C7orf33: variants seen among roughly 807,000 people sequenced by gnomAD.
C7orf33 encodes uncharacterized protein C7orf33.
C7orf33 carries 15 observed loss-of-function variants against 13.4 expected under a neutral mutation model. The observed-to-expected ratio is 1.12, with a 90% CI of 0.75 to 1.72. C7orf33 has a LOEUF of 1.72. Among genes scored for constraint, C7orf33 ranks in the 40% most tolerant of loss-of-function variants. The pLI is 0.00. For missense variants in C7orf33, 187 were observed against 220.3 expected, an observed-to-expected ratio of 0.85 and a Z score of 0.96; for synonymous variants, 73 against 83.2, an observed-to-expected ratio of 0.88 and a Z score of 0.67.
At chr7:148,595,137 A>G (rs1300725206) in intron 1 of C7orf33, among the ~76,000 whole-genome samples, 2 of 151,024 alleles carry the variant, frequency 1.3e-5, no homozygotes, top group Admixed American at 1.3e-4. Flanking sequence ...TGGCACATTC[A>G]CGGCTCACTG....
rs1476031977 is a variant in C7orf33 at position 148,598,743 on chromosome 7, TATATATATATATATATATATAGAG to T, written c.204+7616_204+7639del. On this transcript the variant is annotated intron_variant, in intron 1 of 2. Coordinates refer to ENST00000307003, the MANE Select transcript of C7orf33 (RefSeq NM_145304.4). ...ATTCCTGGATATATATATATATATA[TATATATATATATATATATATAGAG>T]AGAGAGAGAGAGAGAGAGAGAGAGA... Among the ~76,000 whole-genome samples the T allele has an allele frequency of 1.3e-4, 9 of 69,282 alleles. No homozygotes were observed. The East Asian group carries it at 2.0e-3, about 15-fold the overall frequency. 45.5% of individuals were successfully genotyped at this position (69,282 alleles called of 152,430 possible).
chr7:148,590,846 G>T lies in C7orf33; in HGVS notation c.-80G>T. 2 of 1,324,606 alleles carry T rather than the reference G, an allele frequency of 1.5e-6. No individual in the cohort carries two copies. Among genetic ancestry groups the T allele is most frequent in the Middle Eastern group, 4.4e-4 (2 of 4,516 alleles). The allele number at this position is 1,324,606 out of a possible 1,614,324, so 82.1% of individuals were successfully genotyped here. ...ATCCTCCTACTGACCCTGGGGATCC[G>T]TGCGACTTGATCTTAGATATTGGTG... On this transcript the variant is annotated 5_prime_UTR_variant, in exon 1 of 3. Coordinates refer to ENST00000307003, the MANE Select transcript of C7orf33 (RefSeq NM_145304.4).
At chr7:148,598,392 T>G (rs1314469119) in intron 1 of C7orf33, among the ~76,000 whole-genome samples, 1 of 152,068 alleles carries the variant, frequency 6.6e-6, no homozygotes, top group Non-Finnish European at 1.5e-5. Context: ...AACATCCTGG[T>G]ACGTGACAAC....
chr7:148,615,693 C>G lies in C7orf33; in HGVS notation c.*292C>G, dbSNP rs1235800677. 6.2e-6 allele frequency: 2 copies of G among 320,032 alleles called. No homozygotes were observed. The highest frequency in any genetic ancestry group is 4.2e-5 in the African/African-American group (2 of 47,238). 19.8% of individuals were successfully genotyped at this position (320,032 alleles called of 1,614,324 possible). On this transcript the variant is annotated 3_prime_UTR_variant, in exon 3 of 3. Transcript: ENST00000307003. ...CAGGTTCTAAAGGGAGACGAAGATC[C>G]CCAGAGGACCTGGATAGAGATGTTT...
intron 1 of C7orf33, among the ~76,000 whole-genome samples, chr7:148,607,802 T>C (rs1036005197): frequency 1.3e-5 from 2 of 152,238 alleles, no homozygotes; most frequent in Non-Finnish European, 2.9e-5. Flanking sequence ...TCTTTAATCG[T>C]ACCCAGGCGA....
intron 1 of C7orf33, among the ~76,000 whole-genome samples, chr7:148,610,123 A>C (rs934666355): frequency 6.6e-6 from 1 of 152,184 alleles, no homozygotes; most frequent in Non-Finnish European, 1.5e-5. Context: ...GGTATCTGTA[A>C]ACAACAAGAA....
At chr7:148,603,659 C>T (rs1563122677) in intron 1 of C7orf33, among the ~76,000 whole-genome samples, 1 of 152,088 alleles carries the variant, frequency 6.6e-6, no homozygotes, top group Non-Finnish European at 1.5e-5. Context: ...TTATGGATCC[C>T]ACAGAAACAA....
chr7:148,595,673 TATA>T (rs920392018), intron 1 of C7orf33, among the ~76,000 whole-genome samples: 1 of 111,700 alleles, frequency 9.0e-6, no homozygotes, highest in Admixed American at 9.1e-5. Flanking sequence ...ATTATATAGA[TATA>T]ATATAGATCT....
At chr7:148,598,753 TATATATATATAGAGAGAGAGAGAG>T (rs1409735597) in intron 1 of C7orf33, among the ~76,000 whole-genome samples, 161 of 62,506 alleles carry the variant, frequency 2.6e-3, no homozygotes, top group African/African-American at 9.8e-3. Flanking sequence ...TATATATATA[TATATATATATAGAGAGAGAGAGAG>T]AGAGAGAGAG....
intron 1 of C7orf33, among the ~76,000 whole-genome samples, chr7:148,606,654 C>T (rs1050021488): frequency 2.0e-5 from 3 of 152,198 alleles, no homozygotes; most frequent in African/African-American, 4.8e-5. Flanking sequence ...TCTCAGCTCA[C>T]TGCATCACTG....
chr7:148,611,343 C>G (rs982076359), intron 1 of C7orf33, among the ~76,000 whole-genome samples: 3 of 152,268 alleles, frequency 2.0e-5, no homozygotes, highest in Non-Finnish European at 1.5e-5. Context: ...CATATAAACC[C>G]AAGACCTTAG....
chr7:148,609,818 AG>A (rs1277589605), intron 1 of C7orf33, among the ~76,000 whole-genome samples: 1 of 152,216 alleles, frequency 6.6e-6, no homozygotes, highest in Non-Finnish European at 1.5e-5. Flanking sequence ...GGAAAAAGTC[AG>A]GCCTCTGTTA....
chr7:148,594,618 TATC>T (rs1458885791), intron 1 of C7orf33, among the ~76,000 whole-genome samples: 1 of 152,174 alleles, frequency 6.6e-6, no homozygotes, highest in East Asian at 1.9e-4. Flanking sequence ...GCAGAACAGT[TATC>T]ATTTCATTTG....
rs886068965 is a variant in C7orf33, at chr7:148,603,309, G to A, written c.205-10733G>A. On this transcript the variant is annotated intron_variant, in intron 1 of 2. Coordinates refer to ENST00000307003, the MANE Select transcript of C7orf33 (RefSeq NM_145304.4). ...AAAGAATCAAAAGGAGGCCAGACTCGGTGGCTCATGCCTGTAATCCCAGCA... is the reference window on the plus strand; with the variant it reads ...AAAGAATCAAAAGGAGGCCAGACTCAGTGGCTCATGCCTGTAATCCCAGCA... Among the ~76,000 whole-genome samples, 7 of 152,174 alleles carry A rather than the reference G, an allele frequency of 4.6e-5. No homozygotes were observed. The South Asian group carries it at 6.2e-4, about 14-fold the overall frequency.
chr7:148,615,272 T>C, intron 2 of C7orf33, 55 bp from the exon 3 acceptor site: 1 of 1,190,484 alleles, frequency 8.4e-7, no homozygotes, highest in South Asian at 1.2e-5. Context: ...ATTGATGTTC[T>C]AGGGAAAAGG....
intron 1 of C7orf33, 102 bp downstream of exon 1, chr7:148,591,231 T>C (rs1563119250): frequency 9.9e-7 from 1 of 1,008,726 alleles, no homozygotes. Context: ...CTCTCTACTA[T>C]GTGTTATGGA....
At chr7:148,591,255 A>T in intron 1 of C7orf33, 126 bp downstream of exon 1, 1 of 797,866 alleles carries the variant, frequency 1.3e-6, no homozygotes, top group Non-Finnish European at 2.1e-6. Context: ...GGGCTTAACG[A>T]CATTGAAGTA....
At chr7:148,604,285 C>G (rs1289149346) in intron 1 of C7orf33, among the ~76,000 whole-genome samples, 2 of 152,094 alleles carry the variant, frequency 1.3e-5, no homozygotes, top group African/African-American at 2.4e-5. Flanking sequence ...TGCCACCACA[C>G]CCAGCTAATT....
At chr7:148,599,645 T>G (rs1461449681) in intron 1 of C7orf33, among the ~76,000 whole-genome samples, 1 of 151,962 alleles carries the variant, frequency 6.6e-6, no homozygotes, top group Non-Finnish European at 1.5e-5. Flanking sequence ...CTGCTAATTT[T>G]TGTATTTTTA....
Sources: allele counts gnomAD v4.1 joint callset (sites outside exome capture counted in the v4.1 genomes callset), GRCh38; gene constraint gnomAD v4.1.1; transcripts MANE v1.5; gene names NCBI Gene and HGNC (gene_info 2026-07-23, HGNC 2026-07-21).